Variants in TMEM132D observed in about 807,000 individuals in gnomAD.
TMEM132D encodes the protein mature OL transmembrane protein.
Under a neutral mutation model 62.3 loss-of-function variants are expected in TMEM132D, and 21 were observed. The observed-to-expected ratio is 0.34, with a 90% CI of 0.24 to 0.49. TMEM132D has a LOEUF of 0.49. Among genes scored for constraint, TMEM132D ranks in the 20% least tolerant of loss-of-function variants. TMEM132D has a pLI of 0.99. For missense variants in TMEM132D, 1,346 were observed against 1,402.8 expected, an observed-to-expected ratio of 0.96 and a Z score of 0.65; for synonymous variants, 621 against 575.6, an observed-to-expected ratio of 1.08 and a Z score of -1.13.
chr12:129,321,322 T>C (rs1868698108), intron 4 of TMEM132D, among the ~76,000 whole-genome samples: 1 of 152,212 alleles, frequency 6.6e-6, no homozygotes, highest in African/African-American at 2.4e-5. Flanking sequence ...GTGACATTAT[T>C]TCACAGATAA....
chr12:129,090,593 G>A (rs539004346), intron 5 of TMEM132D, among the ~76,000 whole-genome samples: 8 of 152,182 alleles, frequency 5.3e-5, no homozygotes, highest in South Asian at 4.2e-4. Context: ...GCTTGAACCC[G>A]GGAGGTGGAA....
At chr12:129,319,858 C>A (rs903379302) in intron 4 of TMEM132D, among the ~76,000 whole-genome samples, 1 of 152,116 alleles carries the variant, frequency 6.6e-6, no homozygotes, top group East Asian at 1.9e-4. Flanking sequence ...TGATACAGAA[C>A]TGAGAGTTAT....
At position 129,230,021 on chromosome 12, in the gene TMEM132D, C is replaced by T. The variant is rs901926492; in HGVS notation, c.1300-20358G>A. ...TAAAAATGAATTTACATGTCTTCTGCCCACACTAATTGAGAAGAGGGTAGA... is the reference window on the plus strand; with the variant it reads ...TAAAAATGAATTTACATGTCTTCTGTCCACACTAATTGAGAAGAGGGTAGA... On this transcript the variant is annotated intron_variant, in intron 4 of 8. Transcript: ENST00000422113. Among the ~76,000 whole-genome samples the T allele has an allele frequency of 2.6e-5, 4 of 152,158 alleles. No individual in the cohort carries two copies. The South Asian group carries it at 8.3e-4, about 32-fold the overall frequency.
intron 5 of TMEM132D, among the ~76,000 whole-genome samples, chr12:129,136,795 C>CCAT (rs1565975439): frequency 0.02 from 2,943 of 148,844 alleles, 104 homozygotes; most frequent in African/African-American, 0.069. Flanking sequence ...ATCACCATCA[C>CCAT]CATCATCACC....
chr12:129,395,804 A>G (rs1871410256), intron 3 of TMEM132D, among the ~76,000 whole-genome samples: 2 of 92,378 alleles, frequency 2.2e-5, no homozygotes, highest in Admixed American at 2.1e-4. Context: ...ATATTTCTAT[A>G]TAGATATATC....
chr12:129,648,807 A>C (rs999935681), intron 2 of TMEM132D, among the ~76,000 whole-genome samples: 1 of 152,182 alleles, frequency 6.6e-6, no homozygotes, highest in Non-Finnish European at 1.5e-5. Context: ...TTTTCATATG[A>C]TATGCATTTT....
chr12:129,630,492 CCTGGAAGGTTTCTTGGAGTATTT>C (rs992037592), intron 2 of TMEM132D, among the ~76,000 whole-genome samples: 2 of 151,962 alleles, frequency 1.3e-5, no homozygotes, highest in African/African-American at 4.8e-5. Flanking sequence ...TTGGAGGTTT[CCTGGAAGGTTTCTTGGAGTATTT>C]CTAAGAAGGA....
chr12:129,087,692 G>A (rs951744524), intron 5 of TMEM132D, among the ~76,000 whole-genome samples: 4 of 152,194 alleles, frequency 2.6e-5, no homozygotes, highest in African/African-American at 9.7e-5. Context: ...CCTTGATGTC[G>A]GCCCAGTGGA....
intron 6 of TMEM132D, among the ~76,000 whole-genome samples, chr12:129,083,361 G>A (rs1471366649): frequency 6.6e-6 from 1 of 152,184 alleles, no homozygotes; most frequent in Non-Finnish European, 1.5e-5. Flanking sequence ...TCACTCCACT[G>A]CCATGTCTGA....
chr12:129,540,424 C>A (rs546657834), intron 2 of TMEM132D, among the ~76,000 whole-genome samples: 1 of 151,964 alleles, frequency 6.6e-6, no homozygotes, highest in Non-Finnish European at 1.5e-5. Flanking sequence ...GTGAGTAATT[C>A]GAGGAGAGTA....
At chr12:129,711,310 G>A (rs1215027005) in intron 1 of TMEM132D, among the ~76,000 whole-genome samples, 2 of 152,174 alleles carry the variant, frequency 1.3e-5, no homozygotes, top group Non-Finnish European at 2.9e-5. Context: ...CACAACATAA[G>A]CTCTTGGCTC....
chr12:129,250,029 A>G (rs1022317961), intron 4 of TMEM132D, among the ~76,000 whole-genome samples: 2 of 152,234 alleles, frequency 1.3e-5, no homozygotes, highest in Admixed American at 1.3e-4. Flanking sequence ...ACCTCCAATC[A>G]GAGGAGCAAG....
intron 5 of TMEM132D, chr12:129,111,507 C>G (rs1018786010): frequency 6.6e-6 from 1 of 152,222 alleles, no homozygotes; most frequent in Admixed American, 6.5e-5. Context: ...CTCATTTGCA[C>G]TGATCACTGT....
At chr12:129,315,357 A>T (rs1868447910) in intron 4 of TMEM132D, among the ~76,000 whole-genome samples, 1 of 152,054 alleles carries the variant, frequency 6.6e-6, no homozygotes, top group South Asian at 2.1e-4. Flanking sequence ...TCATAAAGGG[A>T]TGCTGAATTG....
chr12:129,444,000 A>T (rs2135722677), intron 3 of TMEM132D, among the ~76,000 whole-genome samples: 1 of 152,342 alleles, frequency 6.6e-6, no homozygotes, highest in Middle Eastern at 3.4e-3. Flanking sequence ...ATTGACAAGC[A>T]ATGGGGAAAG....
chr12:129,805,513 C>A (rs1397701626), intron 1 of TMEM132D, among the ~76,000 whole-genome samples: 4 of 152,120 alleles, frequency 2.6e-5, no homozygotes, highest in African/African-American at 9.7e-5. Context: ...AACTGGATCC[C>A]TTCCTTACAT....
chr12:129,398,671 C>T (rs1182770424), intron 3 of TMEM132D, among the ~76,000 whole-genome samples: 2 of 152,140 alleles, frequency 1.3e-5, no homozygotes, highest in Admixed American at 6.5e-5. Context: ...AATATTATAG[C>T]TGGGGAAGAT....
chr12:129,438,844 G>A (rs981025007), intron 3 of TMEM132D, among the ~76,000 whole-genome samples: 2 of 152,122 alleles, frequency 1.3e-5, no homozygotes, highest in Non-Finnish European at 2.9e-5. Context: ...AAATAAAACT[G>A]CAAACAAAAC....
At chr12:129,651,626 A>C (rs930125424) in intron 2 of TMEM132D, among the ~76,000 whole-genome samples, 3 of 152,168 alleles carry the variant, frequency 2.0e-5, no homozygotes, top group Admixed American at 1.3e-4. Flanking sequence ...AATCACTTTA[A>C]AGTTAAACAA....
Sources: allele counts gnomAD v4.1 joint callset (sites outside exome capture counted in the v4.1 genomes callset), GRCh38; gene constraint gnomAD v4.1.1; transcripts MANE v1.5; gene names NCBI Gene and HGNC (gene_info 2026-07-23, HGNC 2026-07-21).